A4GALT: variants seen among roughly 807,000 people sequenced by gnomAD.
The protein encoded by A4GALT is alpha 1,4-galactosyltransferase (P1PK blood group).
For missense variants in A4GALT, 512 were observed against 486.0 expected (o/e 1.05, Z -0.50); for synonymous variants, 257 against 220.7 (o/e 1.16, Z -1.46).
At chr22:42,702,048 G>A (rs1051912163) in intron 1 of A4GALT, among the ~76,000 whole-genome samples, 1 of 151,972 alleles carries the variant, frequency 6.6e-6, no homozygotes, top group East Asian at 1.9e-4. Context: ...TTTCTCCCTG[G>A]GACTCCTTGT....
At position 42,693,910 on chromosome 22, in the gene A4GALT, G is replaced by A. The variant is rs778598915; in HGVS notation, c.42C>T (p.Gly14=). The A allele has an allele frequency of 1.9e-5, 30 of 1,606,248 alleles. No individual in the cohort carries two copies. The highest frequency in any genetic ancestry group is 1.7e-4 in the Middle Eastern group (1 of 6,046). The change falls in exon 3 of 3, where the codon GGC becomes GGT. Residue 14 remains glycine, a synonymous_variant. Coordinates refer to ENST00000642412, the MANE Select transcript of A4GALT (RefSeq NM_017436.7). ...GGGTGCAGACCCGCTGCCTTGGGGC[G>A]CCCCGGAGCAGCCGCAGCAGGAGGT... is the stretch of plus-strand genomic sequence containing the variant. ...PPDLLLRLLR[G]APRQRVCTLF...
intron 1 of A4GALT, among the ~76,000 whole-genome samples, chr22:42,701,859 G>A (rs964940175): frequency 2.6e-5 from 4 of 152,186 alleles, no homozygotes; most frequent in African/African-American, 9.7e-5. Context: ...CCTGAGGCAA[G>A]CAGAGCCAAG....
chr22:42,720,761 C>T (rs1337905089), intron 1 of A4GALT, 36 bp downstream of exon 1: 1 of 152,084 alleles, frequency 6.6e-6, no homozygotes, highest in East Asian at 1.9e-4. Context: ...CCCCTGGAGC[C>T]CCCGTCCCCC....
intron 1 of A4GALT, among the ~76,000 whole-genome samples, chr22:42,702,802 C>T (rs1181611391): frequency 3.5e-5 from 5 of 143,788 alleles, no homozygotes; most frequent in Non-Finnish European, 3.0e-5. Context: ...CCTTCACTTG[C>T]CGAGGACGCA....
At chr22:42,714,238 G>T (rs922170462) in intron 1 of A4GALT, among the ~76,000 whole-genome samples, 1 of 118,992 alleles carries the variant, frequency 8.4e-6, no homozygotes, top group South Asian at 2.9e-4. Flanking sequence ...TCATACCACC[G>T]CACTCCAGCC....
Position 42,714,652 on chromosome 22 carries a change from T to C in A4GALT, c.-188+6145A>G, listed in dbSNP as rs548906478. Among the ~76,000 whole-genome samples the C allele has an allele frequency of 1.5e-4, 23 of 152,026 alleles. 1 individual carries two copies. In the South Asian group the frequency reaches 2.3e-3, roughly 15 times the overall value. ...TTAGCCAGGCATGGTGGCTGGCACC[T>C]GTAATCCTAGCCACTCGGGAGGCTG... is the stretch of plus-strand genomic sequence containing the variant. On this transcript the variant is annotated intron_variant, in intron 1 of 2. Transcript: ENST00000642412.
chr22:42,693,580 C>T lies in A4GALT; in HGVS notation c.372G>A (p.Leu124=), dbSNP rs761360691. ...MKGLPGGNAS[L]PRHLGISLLS... ...GAAGTGAGATGCCCAGGTGCCGGGG[C>T]AGAGAGGCGTTGCCACCCGGAAGCC... Residue 124 remains leucine (L), a synonymous_variant, in exon 3 of 3, where the codon CTG becomes CTA. Transcript: ENST00000642412. 6.2e-7 allele frequency: 1 copy of T among 1,613,562 alleles called. No homozygotes were observed. Among genetic ancestry groups the T allele is most frequent in the South Asian group, 1.1e-5 (1 of 91,056 alleles).
chr22:42,718,572 C>G (rs947165980), intron 1 of A4GALT: 1 of 152,278 alleles, frequency 6.6e-6, no homozygotes, highest in African/African-American at 2.4e-5. Context: ...GCTGGAAAAA[C>G]GTGTTTTTAA....
Position 42,705,607 on chromosome 22 carries a change from AAAAAAGAAAAAG to A in A4GALT, c.-187-9988_-187-9977del, listed in dbSNP as rs1190049148. ...GACAGAGATTCTGTCTCAAAAAAAA[AAAAAAGAAAAAG>A]AAAAAGAAAAAGAAGAAAATACTGG... On this transcript the variant is annotated intron_variant, in intron 1 of 2. Transcript: ENST00000642412. Among the ~76,000 whole-genome samples the A allele has an allele frequency of 3.2e-5, 4 of 124,320 alleles. 1 individual carries two copies. Among genetic ancestry groups the A allele is most frequent in the Non-Finnish European group, 5.6e-5 (3 of 53,414 alleles). The allele number at this position is 124,320 out of a possible 152,430, so 81.6% of individuals were successfully genotyped here.
intron 1 of A4GALT, among the ~76,000 whole-genome samples, chr22:42,717,371 G>A (rs990956082): frequency 6.6e-6 from 1 of 152,124 alleles, no homozygotes; most frequent in African/African-American, 2.4e-5. Context: ...ATCAATGGGA[G>A]TGTTCACACC....
chr22:42,706,352 CCCA>C (rs1569055180), intron 1 of A4GALT, among the ~76,000 whole-genome samples: 3 of 51,724 alleles, frequency 5.8e-5, no homozygotes, highest in African/African-American at 1.6e-4. Flanking sequence ...GAGACTCCAT[CCCA>C]AAAAAAAAAA....
rs776608251 is a variant in A4GALT at position 42,692,782 on chromosome 22, C to T, written c.*108G>A. On this transcript the variant is annotated 3_prime_UTR_variant, in exon 3 of 3. Coordinates refer to ENST00000642412, the MANE Select transcript of A4GALT (RefSeq NM_017436.7). The surrounding 1 kb of genome is among the most constrained non-coding windows in gnomAD (Gnocchi z 4.6). ...AGCTCCTCAACAGCCTGCCTAAGCCCGGTGGCAGCTCGGGCCTCCCTCTCC... is the reference window on the plus strand; with the variant it reads ...AGCTCCTCAACAGCCTGCCTAAGCCTGGTGGCAGCTCGGGCCTCCCTCTCC... 5.1e-5 allele frequency: 69 copies of T among 1,340,418 alleles called. No individual in the cohort carries two copies. The highest frequency in any genetic ancestry group is 1.5e-4 in the South Asian group (12 of 81,778). 83.0% of individuals were successfully genotyped at this position (1,340,418 alleles called of 1,614,324 possible). A position where few individuals can be genotyped will look rare whatever the true frequency, so the allele number is the denominator to read the frequency against.
At chr22:42,703,818 A>T (rs973555575) in intron 1 of A4GALT, among the ~76,000 whole-genome samples, 14 of 152,188 alleles carry the variant, frequency 9.2e-5, no homozygotes, top group African/African-American at 3.4e-4. Context: ...AGGCGCCAAG[A>T]ACTCTGAGGG....
intron 1 of A4GALT, among the ~76,000 whole-genome samples, chr22:42,709,935 C>G (rs1031966000): frequency 6.6e-6 from 1 of 151,936 alleles, no homozygotes; most frequent in African/African-American, 2.4e-5. Context: ...AATCATCATC[C>G]CCAGTGACAC....
intron 1 of A4GALT, chr22:42,718,235 A>T (rs908708984): frequency 6.6e-6 from 1 of 152,258 alleles, no homozygotes; most frequent in Non-Finnish European, 1.5e-5. Flanking sequence ...AAGATATGCA[A>T]ATACAGAAAA....
chr22:42,712,866 C>A (rs1046567771), intron 1 of A4GALT, among the ~76,000 whole-genome samples: 3 of 152,146 alleles, frequency 2.0e-5, no homozygotes, highest in African/African-American at 7.2e-5. Flanking sequence ...CCACTGCACT[C>A]CAGCCTGGGC....
At chr22:42,702,403 C>CAT (rs1920928367) in intron 1 of A4GALT, among the ~76,000 whole-genome samples, 2 of 149,030 alleles carry the variant, frequency 1.3e-5, no homozygotes, top group African/African-American at 5.0e-5. Context: ...TGCAGTGGTG[C>CAT]GATCTCGGCT....
intron 1 of A4GALT, among the ~76,000 whole-genome samples, chr22:42,711,649 T>C (rs1921703823): frequency 6.6e-6 from 1 of 152,138 alleles, no homozygotes; most frequent in Admixed American, 6.6e-5. Flanking sequence ...TGTTTTTTTT[T>C]CCACCCCCGA....
intron 1 of A4GALT, among the ~76,000 whole-genome samples, chr22:42,714,530 C>T (rs991829510): frequency 1.3e-5 from 2 of 151,516 alleles, no homozygotes; most frequent in African/African-American, 4.9e-5. Flanking sequence ...CATAACTGCA[C>T]ACCAGGTTGG....
Sources: allele counts gnomAD v4.1 joint callset (sites outside exome capture counted in the v4.1 genomes callset), GRCh38; gene constraint gnomAD v4.1.1; non-coding constraint Gnocchi (gnomAD v3.1); transcripts MANE v1.5; gene names NCBI Gene and HGNC (gene_info 2026-07-23, HGNC 2026-07-21).